PCNT: variants seen among roughly 807,000 people sequenced by gnomAD.
The protein encoded by PCNT is kendrin.
Under a neutral mutation model 380.4 loss-of-function variants are expected in PCNT, and 319 were observed. The observed-to-expected ratio is 0.84, with a 90% CI of 0.77 to 0.92. PCNT has a LOEUF of 0.92. PCNT is among the 40% of genes least tolerant of loss of function. The pLI, the probability that PCNT is intolerant of heterozygous loss-of-function variation, is 0.00. For missense variants in PCNT, 4,400 were observed against 4,255.3 expected, an observed-to-expected ratio of 1.03 and a Z score of -0.95; for synonymous variants, 1,845 against 1,735.2, an observed-to-expected ratio of 1.06 and a Z score of -1.57.
chr21:46,435,606 A>G (rs1438968329), intron 38 of PCNT, among the ~76,000 whole-genome samples: 1 of 151,448 alleles, frequency 6.6e-6, no homozygotes, highest in Non-Finnish European at 1.5e-5. Context: ...GCAGTGGCGC[A>G]ATCTCGGCTC....
Position 46,389,307 on chromosome 21 carries a change from G to C in PCNT, c.3716G>C (p.Arg1239Pro). ...SSVAEISSHM[R>P]ESFLMSPESV... Reference sequence around the variant, plus strand: ...GTGGCTGAAATTAGCAGCCACATGCGTGAAAGCTTTCTCATGAGCCCAGAA... The same window carrying C: ...GTGGCTGAAATTAGCAGCCACATGCCTGAAAGCTTTCTCATGAGCCCAGAA... Residue 1239 changes from arginine (R) to proline (P), a missense_variant, in exon 19 of 47, where the codon CGT becomes CCT. Transcript: ENST00000359568. The C allele has an allele frequency of 6.2e-7, 1 of 1,614,252 alleles. No homozygotes were observed.
Position 46,430,412 on chromosome 21 carries a change from C to G in PCNT, c.7914-95C>G. On this transcript the variant is annotated intron_variant, in intron 36 of 46. Coordinates refer to ENST00000359568, the MANE Select transcript of PCNT (RefSeq NM_006031.6). ...TGGGGGGTGAAGCACACGTGTGGGA[C>G]CTGGCAGGGCTCTGCCTCCCCTCCT... 3 of 1,489,102 alleles carry G rather than the reference C, an allele frequency of 2.0e-6. No homozygotes were observed. In the South Asian group the frequency reaches 3.6e-5, roughly 18 times the overall value. 92.2% of individuals were successfully genotyped at this position (1,489,102 alleles called of 1,614,324 possible).
At chr21:46,429,519 G>A (rs547341830) in intron 35 of PCNT, among the ~76,000 whole-genome samples, 3 of 152,202 alleles carry the variant, frequency 2.0e-5, no homozygotes, top group South Asian at 2.1e-4. Context: ...CTGAGTGCTC[G>A]TGAGGGGCAC....
intron 2 of PCNT, among the ~76,000 whole-genome samples, chr21:46,330,286 T>C (rs528941897): frequency 1.2e-4 from 18 of 152,116 alleles, no homozygotes; most frequent in African/African-American, 4.1e-4. Context: ...CCTGGCTAAC[T>C]TAAAAAAAAA....
chr21:46,443,866 C>T lies in PCNT; in HGVS notation c.9757C>T (p.Arg3253Trp), dbSNP rs201316266. The change falls in exon 45 of 47, where the codon CGG becomes TGG. Residue 3253 changes from arginine to tryptophan, a missense_variant. Physicochemically the swap from Arg to Trp is moderately radical, Grantham distance 101. Coordinates refer to ENST00000359568, the MANE Select transcript of PCNT (RefSeq NM_006031.6). Reference sequence around the variant, plus strand: ...CAGAACCAGAGAGTCCCCCCCAACCCGGGATGTACCCTCTGGCCACACCAG... The same window carrying T: ...CAGAACCAGAGAGTCCCCCCCAACCTGGGATGTACCCTCTGGCCACACCAG... ...PPRTRESPPT[R>W]DVPSGHTRDP... 27 of 1,613,286 alleles carry T rather than the reference C, an allele frequency of 1.7e-5. No homozygotes were observed. Among genetic ancestry groups the T allele is most frequent in the Admixed American group, 8.3e-5 (5 of 60,034 alleles).
intron 15 of PCNT, among the ~76,000 whole-genome samples, chr21:46,370,551 G>C (rs1207814710): frequency 6.6e-6 from 1 of 152,140 alleles, no homozygotes; most frequent in Non-Finnish European, 1.5e-5. Flanking sequence ...GTCATCCCAG[G>C]TTGGACTGGT....
At chr21:46,393,833 A>C (rs572471701) in intron 21 of PCNT, among the ~76,000 whole-genome samples, 14 of 151,964 alleles carry the variant, frequency 9.2e-5, no homozygotes, top group Admixed American at 8.5e-4. Flanking sequence ...CCCACCAGGG[A>C]GTGTCGTGAC....
chr21:46,326,390 G>T lies in PCNT; in HGVS notation c.68G>T (p.Arg23Leu), dbSNP rs2083395230. The change falls in exon 2 of 47, where the codon CGA becomes CTA. Residue 23 changes from arginine to leucine, a missense_variant. Coordinates refer to ENST00000359568, the MANE Select transcript of PCNT (RefSeq NM_006031.6). ...ATTTTTGCGCAGCTTGCTCACTTCCGACAGAGAAAAACAAAAGGTGACAGT... is the reference window on the plus strand; with the variant it reads ...ATTTTTGCGCAGCTTGCTCACTTCCTACAGAGAAAAACAAAAGGTGACAGT... ...EAGRTKLAHF[R>L]QRKTKGDSSH... The T allele has an allele frequency of 1.2e-6, 2 of 1,613,942 alleles. No homozygotes were observed. Among genetic ancestry groups the T allele is most frequent in the African/African-American group, 1.3e-5 (1 of 74,888 alleles).
In PCNT at chr21:46,346,981, G is replaced by A. The variant is rs149844283; in HGVS notation, c.959G>A (p.Arg320Lys). The change falls in exon 5 of 47, where the codon AGG becomes AAG. Residue 320 changes from arginine (R) to lysine (K), a missense_variant. Coordinates refer to ENST00000359568, the MANE Select transcript of PCNT (RefSeq NM_006031.6). Reference protein sequence around the residue: ...HAREKEEVVLRCGQEAAELKE... With the variant: ...HAREKEEVVLKCGQEAAELKE... Reference sequence around the variant, plus strand: ...CGGGAGAAGGAGGAGGTGGTGCTCAGGTGTGGACAGGAAGCAGGTACTGCA... The same window carrying A: ...CGGGAGAAGGAGGAGGTGGTGCTCAAGTGTGGACAGGAAGCAGGTACTGCA... 1.5e-4 allele frequency: 235 copies of A among 1,595,728 alleles called. No homozygotes were observed. The highest frequency in any genetic ancestry group is 2.0e-4 in the Non-Finnish European group (232 of 1,173,690).
In PCNT at chr21:46,326,406, A is replaced by C. The variant is rs2083395585; in HGVS notation, c.84A>C (p.Lys28Asn). ...CTCACTTCCGACAGAGAAAAACAAA[A>C]GGTGACAGTTCGCATTCGGAGAAAA... ...KLAHFRQRKT[K>N]GDSSHSEKKT... The change falls in exon 2 of 47, where the codon AAA (lysine) becomes AAC (asparagine). Residue 28 changes from lysine (K) to asparagine (N), a missense_variant. Lys to Asn is a moderately conservative substitution (Grantham distance 94). Transcript: ENST00000359568. 6.2e-7 allele frequency: 1 copy of C among 1,614,122 alleles called. No homozygotes were observed. Among genetic ancestry groups the C allele is most frequent in the African/African-American group, 1.3e-5 (1 of 74,948 alleles).
Position 46,381,878 on chromosome 21 carries a change from T to C in PCNT, c.3312+38T>C, listed in dbSNP as rs371218090. ...CGCTGTTCCCTTGTGATAAGACGTG[T>C]ATAGCATAAAAATCATTTTCACTTT... On this transcript the variant is annotated intron_variant, in intron 16 of 46. Transcript: ENST00000359568. 3.2e-4 allele frequency: 516 copies of C among 1,608,860 alleles called. 6 individuals are homozygous for C. Among genetic ancestry groups the C allele is most frequent in the South Asian group, 3.1e-3 (282 of 90,914 alleles).
chr21:46,349,284 T>TG, intron 7 of PCNT, 98 bp downstream of exon 7: 1 of 1,017,064 alleles, frequency 9.8e-7, no homozygotes, highest in Non-Finnish European at 1.6e-6. Context: ...ATTGCGCACG[T>TG]TTCCTACCTT....
chr21:46,326,584 G>A lies in PCNT; in HGVS notation c.262G>A (p.Ala88Thr), dbSNP rs768342760. The change falls in exon 2 of 47, where the codon GCT (alanine) becomes ACT (threonine). Residue 88 changes from alanine to threonine, a missense_variant. Transcript: ENST00000359568. Reference protein sequence around the residue: ...TPDGAGGAFAAQPEDCDGEKR... With the variant: ...TPDGAGGAFATQPEDCDGEKR... ...TGATGGGGCAGGAGGGGCCTTTGCA[G>A]CTCAGGTAGATTTGCTCAATGTTGT... 45 of 1,613,772 alleles carry A rather than the reference G, an allele frequency of 2.8e-5. No homozygotes were observed. The highest frequency in any genetic ancestry group is 5.0e-5 in the Admixed American group (3 of 60,018).
rs759412726 is a variant in PCNT, at chr21:46,363,873, G to A, written c.2548G>A (p.Glu850Lys). The A allele has an allele frequency of 1.9e-6, 3 of 1,612,336 alleles. No individual in the cohort carries two copies. The highest frequency in any genetic ancestry group is 2.5e-6 in the Non-Finnish European group (3 of 1,179,564). The change falls in exon 14 of 47, where the codon GAG becomes AAG. Residue 850 changes from glutamate to lysine, a missense_variant. Glu to Lys is a moderately conservative substitution (Grantham distance 56). Transcript: ENST00000359568. ...GGAGCCGCCCACAGCCCAGGACGGG[G>A]AGCTTGCTGCGCTCCACGTGAAGGA... is the stretch of plus-strand genomic sequence containing the variant. Reference protein sequence around the residue: ...GREPPTAQDGELAALHVKEDC... With the variant: ...GREPPTAQDGKLAALHVKEDC...
intron 38 of PCNT, among the ~76,000 whole-genome samples, chr21:46,434,074 G>A (rs182930299): frequency 3.3e-5 from 5 of 152,252 alleles, no homozygotes; most frequent in African/African-American, 4.8e-5. Context: ...CACTGTGCCC[G>A]GCCTCCAGAG....
intron 42 of PCNT, 86 bp from the exon 43 acceptor site, chr21:46,440,769 G>T: frequency 1.2e-6 from 1 of 852,560 alleles, no homozygotes; most frequent in Non-Finnish European, 2.0e-6. Context: ...CTGACTCTTT[G>T]GAAAGAGCAA....
Position 46,390,650 on chromosome 21 carries a change from T to G in PCNT, c.3841-20T>G. 6.2e-7 allele frequency: 1 copy of G among 1,613,554 alleles called. No individual in the cohort carries two copies. The highest frequency in any genetic ancestry group is 8.5e-7 in the Non-Finnish European group (1 of 1,179,574). On this transcript the variant is annotated intron_variant, in intron 19 of 46. Coordinates refer to ENST00000359568, the MANE Select transcript of PCNT (RefSeq NM_006031.6). The stretch of plus-strand genomic sequence containing the variant: ...GTTATTTTTGATCTGGAGTTTTGAT[T>G]TGCAAATGTGTTTTAACAGCTGGAA...
chr21:46,337,320 T>C (rs1569166573), intron 3 of PCNT, among the ~76,000 whole-genome samples: 1 of 152,130 alleles, frequency 6.6e-6, no homozygotes, highest in Non-Finnish European at 1.5e-5. Context: ...AAGTGTATAA[T>C]AGTTTCAGAA....
In PCNT at chr21:46,444,838, C is replaced by T; in HGVS notation, c.9967+17C>T. ...TACTACCAGGTAATGCAAGTCCTCGCCGAGTATTTATTAAGCTGATTATCA... is the reference window on the plus strand; with the variant it reads ...TACTACCAGGTAATGCAAGTCCTCGTCGAGTATTTATTAAGCTGATTATCA... On this transcript the variant is annotated intron_variant, in intron 46 of 46. Coordinates refer to ENST00000359568, the MANE Select transcript of PCNT (RefSeq NM_006031.6). 1 of 1,611,698 alleles carries T rather than the reference C, an allele frequency of 6.2e-7. No homozygotes were observed. Among genetic ancestry groups the T allele is most frequent in the Non-Finnish European group, 8.5e-7 (1 of 1,177,872 alleles).
Sources: allele counts gnomAD v4.1 joint callset (sites outside exome capture counted in the v4.1 genomes callset), GRCh38; gene constraint gnomAD v4.1.1; transcripts MANE v1.5; gene names NCBI Gene and HGNC (gene_info 2026-07-23, HGNC 2026-07-21).